Variants in B3GNT5 observed in about 807,000 individuals in gnomAD.
The protein encoded by B3GNT5 is UDP-GlcNAc:betaGal beta-1,3-N-acetylglucosaminyltransferase 5.
B3GNT5 carries 11 observed loss-of-function variants against 25.9 expected under a neutral mutation model. The observed-to-expected ratio is 0.42, with a 90% CI of 0.27 to 0.70. The LOEUF is 0.70. B3GNT5 is among the 30% of genes least tolerant of loss of function. The pLI, the probability that B3GNT5 is intolerant of heterozygous loss-of-function variation, is 0.23. For synonymous variants in B3GNT5, 166 were observed against 158.6 expected (o/e 1.05, Z -0.35); for missense variants, 385 against 458.4 (o/e 0.84, Z 1.46).
chr3:183,266,687 C>T (rs934337279), intron 1 of B3GNT5, among the ~76,000 whole-genome samples: 1 of 152,152 alleles, frequency 6.6e-6, no homozygotes, highest in African/African-American at 2.4e-5. Flanking sequence ...TATTTTCTGA[C>T]GTCTTTCTCA....
intron 1 of B3GNT5, among the ~76,000 whole-genome samples, chr3:183,261,551 C>G (rs1205443371): frequency 6.6e-6 from 1 of 152,074 alleles, no homozygotes; most frequent in Non-Finnish European, 1.5e-5. Flanking sequence ...CTTATATAGT[C>G]TACTTTCTAA....
At chr3:183,262,279 T>TAGGG (rs1725681413) in intron 1 of B3GNT5, among the ~76,000 whole-genome samples, 1 of 151,544 alleles carries the variant, frequency 6.6e-6, no homozygotes, top group Non-Finnish European at 1.5e-5. Flanking sequence ...TACATACATA[T>TAGGG]ACTAAGAATG....
intron 1 of B3GNT5, among the ~76,000 whole-genome samples, chr3:183,261,345 T>C (rs1725563947): frequency 6.6e-6 from 1 of 152,212 alleles, no homozygotes; most frequent in Non-Finnish European, 1.5e-5. Flanking sequence ...GAAAAAATAC[T>C]TGGAATATAG....
chr3:183,268,968 T>C (rs1029448267), intron 1 of B3GNT5, among the ~76,000 whole-genome samples: 3 of 152,150 alleles, frequency 2.0e-5, no homozygotes, highest in Non-Finnish European at 4.4e-5. Context: ...ACTGAGAGTT[T>C]GCTTTCAAGG....
At position 183,271,511 on chromosome 3, in the gene B3GNT5, T is replaced by G. The variant is rs1308577569; in HGVS notation, c.*576T>G. On this transcript the variant is annotated 3_prime_UTR_variant, in exon 2 of 2. Coordinates refer to ENST00000326505, the MANE Select transcript of B3GNT5 (RefSeq NM_032047.5). ...GACAAATCACGTCTTACCACATCCA[T>G]GTAGCTACTGGTGTTAGAGTCATTA... 6.0e-6 allele frequency: 1 copy of G among 167,118 alleles called. No homozygotes were observed. The highest frequency in any genetic ancestry group is 2.4e-5 in the African/African-American group (1 of 41,466). The allele number at this position is 167,118 out of a possible 1,614,324, so 10.4% of individuals were successfully genotyped here.
chr3:183,270,479 C>G lies in B3GNT5; in HGVS notation c.681C>G (p.Ala227=). The G allele has an allele frequency of 6.2e-7, 1 of 1,614,058 alleles. No homozygotes were observed. The highest frequency in any genetic ancestry group is 1.3e-5 in the African/African-American group (1 of 74,980). The change falls in exon 2 of 2, where the codon GCC becomes GCG. Residue 227 remains alanine, a synonymous_variant. Coordinates refer to ENST00000326505, the MANE Select transcript of B3GNT5 (RefSeq NM_032047.5). The surrounding 1 kb of genome is among the most constrained non-coding windows in gnomAD (Gnocchi z 4.5). The stretch of plus-strand genomic sequence containing the variant: ...GGATTGGTCGTGTTCATCGTGGTGC[C>G]CCTCCCATTAGAGATAAAAGCAGCA... The part of the protein sequence containing the change: ...DFWIGRVHRG[A]PPIRDKSSKY...
intron 1 of B3GNT5, among the ~76,000 whole-genome samples, chr3:183,257,120 C>G (rs1173957979): frequency 1.3e-5 from 2 of 152,132 alleles, no homozygotes; most frequent in South Asian, 2.1e-4. Flanking sequence ...CAAACAGATT[C>G]TAGAGAAAGG....
At position 183,272,884 on chromosome 3, in the gene B3GNT5, G is replaced by T; in HGVS notation, c.*1949G>T. Reference sequence around the variant, plus strand: ...TGATCTTGTTTACAGCAGTGCTTTTGTGAAACAATTATTTATTTGCTGAAA... The same window carrying T: ...TGATCTTGTTTACAGCAGTGCTTTTTTGAAACAATTATTTATTTGCTGAAA... On this transcript the variant is annotated 3_prime_UTR_variant, in exon 2 of 2. Transcript: ENST00000326505. The T allele has an allele frequency of 7.6e-7, 1 of 1,309,940 alleles. No individual in the cohort carries two copies. The highest frequency in any genetic ancestry group is 9.8e-7 in the Non-Finnish European group (1 of 1,021,052). 81.1% of individuals were successfully genotyped at this position (1,309,940 alleles called of 1,614,324 possible).
At chr3:183,261,235 T>G (rs913812901) in intron 1 of B3GNT5, among the ~76,000 whole-genome samples, 1 of 152,218 alleles carries the variant, frequency 6.6e-6, no homozygotes, top group Non-Finnish European at 1.5e-5. Flanking sequence ...CCAGTAAATC[T>G]GGGGCTTTTT....
Position 183,269,759 on chromosome 3 carries a change from G to A in B3GNT5, c.-40G>A, listed in dbSNP as rs371669783. 1.9e-6 allele frequency: 3 copies of A among 1,559,722 alleles called. No individual in the cohort carries two copies. The African/African-American group carries it at 4.1e-5, about 21-fold the overall frequency. On this transcript the variant is annotated 5_prime_UTR_variant, in exon 2 of 2. Transcript: ENST00000326505. ...TATGGTCTCGAAGAAGCCCGTGCCT[G>A]TTTAAAACTGATCCTAACTAAAAAC...
In B3GNT5 at chr3:183,272,329, G is replaced by C. The variant is rs1726849111; in HGVS notation, c.*1394G>C. ...TATGAAGGCCAAAATAATGACTTCA[G>C]CAAGAGTGACTGAACTCACTCTAAG... On this transcript the variant is annotated 3_prime_UTR_variant, in exon 2 of 2. Coordinates refer to ENST00000326505, the MANE Select transcript of B3GNT5 (RefSeq NM_032047.5). 1 of 1,000,132 alleles carries C rather than the reference G, an allele frequency of 1.0e-6. No homozygotes were observed. Among genetic ancestry groups the C allele is most frequent in the African/African-American group, 1.7e-5 (1 of 57,230 alleles). The allele number at this position is 1,000,132 out of a possible 1,614,324, so 62.0% of individuals were successfully genotyped here.
chr3:183,259,799 T>C (rs1376452831), intron 1 of B3GNT5, among the ~76,000 whole-genome samples: 1 of 152,118 alleles, frequency 6.6e-6, no homozygotes, highest in East Asian at 1.9e-4. Flanking sequence ...GGACACAGAC[T>C]GATGAGGTCA....
At chr3:183,258,245 C>G (rs534548194) in intron 1 of B3GNT5, 1 of 152,974 alleles carries the variant, frequency 6.5e-6, no homozygotes, top group African/African-American at 2.4e-5. Flanking sequence ...GGATTACAGG[C>G]ATGAGCCACC....
rs759746825 is a variant in B3GNT5, at chr3:183,270,222, C to T, written c.424C>T (p.Leu142=). 5.0e-6 allele frequency: 8 copies of T among 1,614,058 alleles called. No homozygotes were observed. The highest frequency in any genetic ancestry group is 2.2e-5 in the South Asian group (2 of 91,082). Residue 142 remains leucine, a synonymous_variant, in exon 2 of 2, where the codon CTA becomes TTA. Coordinates refer to ENST00000326505, the MANE Select transcript of B3GNT5 (RefSeq NM_032047.5). This position sits in a 1 kb window ranked among gnomAD's most constrained non-coding sequence, Gnocchi z 4.5. ...GTPNPLEGEE[L]QRKLAWEDQR... ...TCCTAATCCACTGGAGGGAGAAGAA[C>T]TACAAAGAAAACTGGCTTGGGAAGA...
chr3:183,253,857 G>GCCGCGGCCGCATCTTT (rs1444352963), intron 1 of B3GNT5: 1 of 152,302 alleles, frequency 6.6e-6, no homozygotes, highest in Non-Finnish European at 1.5e-5. Flanking sequence ...ACACGGCTGT[G>GCCGCGGCCGCATCTTT]CCGCGGCCGC....
intron 1 of B3GNT5, among the ~76,000 whole-genome samples, chr3:183,263,679 A>G (rs73884616): frequency 0.031 from 4,779 of 152,092 alleles, 244 homozygotes; most frequent in African/African-American, 0.11. Context: ...CTCGTCTTAG[A>G]TTATTACCCC....
chr3:183,273,031 TC>T lies in B3GNT5; in HGVS notation c.*2097del. The T allele has an allele frequency of 6.7e-7, 1 of 1,488,286 alleles. No individual in the cohort carries two copies. Among genetic ancestry groups the T allele is most frequent in the South Asian group, 1.4e-5 (1 of 72,858 alleles). 92.2% of individuals were successfully genotyped at this position (1,488,286 alleles called of 1,614,324 possible). ...AGAAGGAAGTTGCTAGATGATTCCTTCATCACACTTACTTAAAGTACTGAGA... is the reference window on the plus strand; with the variant it reads ...AGAAGGAAGTTGCTAGATGATTCCTTATCACACTTACTTAAAGTACTGAGA... On this transcript the variant is annotated 3_prime_UTR_variant, in exon 2 of 2. Coordinates refer to ENST00000326505, the MANE Select transcript of B3GNT5 (RefSeq NM_032047.5).
intron 1 of B3GNT5, among the ~76,000 whole-genome samples, chr3:183,269,230 C>CTTTTTTTTTTTTGTTTTTTTTTTTTTTTT (rs1726472584): frequency 1.2e-5 from 1 of 81,030 alleles, no homozygotes; most frequent in African/African-American, 6.4e-5. Flanking sequence ...GTTTGGGAAG[C>CTTTTTTTTTTTTGTTTTTTTTTTTTTTTT]TTTTTTTTTT....
In B3GNT5 at chr3:183,267,505, T is replaced by C. The variant is rs1422752398; in HGVS notation, c.-301-1993T>C. ...TCTGCAGGGCACTCAGTGTGTACAG[T>C]TGGTTTTCTATCAGGGGTCAACCGG... On this transcript the variant is annotated intron_variant, in intron 1 of 1. Coordinates refer to ENST00000326505, the MANE Select transcript of B3GNT5 (RefSeq NM_032047.5). The surrounding 1 kb of genome is among the most constrained non-coding windows in gnomAD (Gnocchi z 5.5). Among the ~76,000 whole-genome samples, 1 of 152,150 alleles carries C rather than the reference T, an allele frequency of 6.6e-6. No homozygotes were observed. Among genetic ancestry groups the C allele is most frequent in the Non-Finnish European group, 1.5e-5 (1 of 68,036 alleles).
Sources: gnomAD v4.1 joint callset for allele counts (sites outside exome capture counted in the v4.1 genomes callset) on GRCh38, gnomAD v4.1.1 for gene constraint, Gnocchi (gnomAD v3.1) non-coding constraint, MANE v1.5 for transcripts, NCBI Gene and HGNC (gene_info 2026-07-23, HGNC 2026-07-21) for gene names.